The following DSCAM variants were observed in gnomAD, a reference collection of about 807,000 sequenced individuals.
The protein encoded by DSCAM is cell adhesion molecule DSCAM.
DSCAM carries 47 observed loss-of-function variants against 217.7 expected under a neutral mutation model. That is an observed-to-expected ratio of 0.22 (90% confidence interval 0.17 to 0.28). The LOEUF (loss-of-function observed/expected upper bound fraction) is 0.28. Ranked by LOEUF, DSCAM falls within the 10% of genes least tolerant of loss-of-function variation. The pLI is 1.00. For synonymous variants in DSCAM, 1,056 were observed against 1,015.3 expected, an observed-to-expected ratio of 1.04 and a Z score of -0.76; for missense variants, 2,080 against 2,618.3, an observed-to-expected ratio of 0.79 and a Z score of 4.49.
intron 3 of DSCAM, among the ~76,000 whole-genome samples, chr21:40,650,871 A>G (rs2090005282): frequency 6.6e-6 from 1 of 152,164 alleles, no homozygotes; most frequent in African/African-American, 2.4e-5. Flanking sequence ...CTGAGATCGC[A>G]CCACTGCACT....
intron 10 of DSCAM, among the ~76,000 whole-genome samples, chr21:40,284,635 C>T (rs571081900): frequency 1.3e-5 from 2 of 152,340 alleles, no homozygotes; most frequent in Admixed American, 1.3e-4. Flanking sequence ...GGGAGAACTA[C>T]AAATCACTGC....
chr21:40,428,826 G>A (rs917287994), intron 3 of DSCAM, among the ~76,000 whole-genome samples: 2 of 147,160 alleles, frequency 1.4e-5, no homozygotes, highest in East Asian at 2.0e-4. Context: ...ATCATACAGC[G>A]ACCTAATACA....
intron 8 of DSCAM, among the ~76,000 whole-genome samples, chr21:40,337,718 T>C (rs2074442670): frequency 6.6e-6 from 1 of 152,154 alleles, no homozygotes; most frequent in South Asian, 2.1e-4. Context: ...ATACAGAAAA[T>C]CCCTTCCAGT....
At chr21:40,772,621 C>A (rs2091454876) in intron 1 of DSCAM, among the ~76,000 whole-genome samples, 1 of 152,224 alleles carries the variant, frequency 6.6e-6, no homozygotes, top group Non-Finnish European at 1.5e-5. Context: ...CCATGTCCAA[C>A]TGCCTGTCTT....
chr21:40,566,562 G>A (rs2076766444), intron 3 of DSCAM, among the ~76,000 whole-genome samples: 1 of 152,128 alleles, frequency 6.6e-6, no homozygotes, highest in Non-Finnish European at 1.5e-5. Flanking sequence ...TCATGCACTG[G>A]ATTTAGCAAA....
chr21:40,656,590 T>A (rs1281968827), intron 3 of DSCAM, among the ~76,000 whole-genome samples: 1 of 152,124 alleles, frequency 6.6e-6, no homozygotes, highest in Non-Finnish European at 1.5e-5. Context: ...GCAAGATGGA[T>A]CATTTTTGTG....
In DSCAM at chr21:40,347,902, G is replaced by T. The variant is rs768379621; in HGVS notation, c.978C>A (p.Ser326Arg). 1 of 1,613,960 alleles carries T rather than the reference G, an allele frequency of 6.2e-7. No homozygotes were observed. The highest frequency in any genetic ancestry group is 8.5e-7 in the Non-Finnish European group (1 of 1,179,932). Residue 326 changes from serine to arginine, a missense_variant, in exon 6 of 33, where the codon AGC becomes AGA. Ser to Arg is a moderately radical substitution (Grantham distance 110). This residue lies in a region of DSCAM where 568 missense variants were observed against 678.1 expected (regional missense o/e 0.84). Transcript: ENST00000400454. ...ATISPRKVKS[S>R]VGSQVSLSCS... ...AGGACAAGGAAACTTGGCTACCCACGCTGCTTTTAACCTTCCTGGGACTGA... is the reference window on the plus strand; with the variant it reads ...AGGACAAGGAAACTTGGCTACCCACTCTGCTTTTAACCTTCCTGGGACTGA...
chr21:40,366,953 C>T (rs926129405), intron 4 of DSCAM, among the ~76,000 whole-genome samples: 17 of 152,132 alleles, frequency 1.1e-4, no homozygotes, highest in African/African-American at 3.6e-4. Flanking sequence ...CCCTGGTTCC[C>T]GAGCCTTCTC....
At chr21:40,642,820 G>C (rs1408543636) in intron 3 of DSCAM, among the ~76,000 whole-genome samples, 1 of 152,124 alleles carries the variant, frequency 6.6e-6, no homozygotes, top group African/African-American at 2.4e-5. Context: ...GAACTCCTGA[G>C]TTCAAGCAAT....
chr21:40,014,314 C>T (rs766985650), intron 32 of DSCAM, among the ~76,000 whole-genome samples: 6 of 152,168 alleles, frequency 3.9e-5, no homozygotes, highest in East Asian at 1.9e-4. Flanking sequence ...CGCTTGAACC[C>T]GGGAGGAGGA....
intron 3 of DSCAM, among the ~76,000 whole-genome samples, chr21:40,550,006 G>A (rs1027089323): frequency 2.0e-5 from 3 of 152,136 alleles, no homozygotes; most frequent in African/African-American, 7.2e-5. Flanking sequence ...CAAGCCCTAC[G>A]CTTGGTATTT....
chr21:40,553,241 G>A (rs1000713152), intron 3 of DSCAM, among the ~76,000 whole-genome samples: 27 of 152,234 alleles, frequency 1.8e-4, no homozygotes, highest in African/African-American at 6.3e-4. Context: ...TATTTAAGCA[G>A]TGCTTTTATG....
At chr21:40,020,536 A>G (rs1359235753) in intron 32 of DSCAM, among the ~76,000 whole-genome samples, 1 of 151,894 alleles carries the variant, frequency 6.6e-6, no homozygotes. Context: ...TGTGTGAGAG[A>G]GAGAGAGAGA....
At chr21:40,741,179 G>A (rs540844048) in intron 1 of DSCAM, among the ~76,000 whole-genome samples, 1 of 152,302 alleles carries the variant, frequency 6.6e-6, no homozygotes, top group East Asian at 1.9e-4. Flanking sequence ...ACTCTGACAT[G>A]CTGAAAAGAT....
intron 16 of DSCAM, among the ~76,000 whole-genome samples, chr21:40,147,945 T>C (rs1206479346): frequency 6.6e-6 from 1 of 152,206 alleles, no homozygotes; most frequent in Non-Finnish European, 1.5e-5. Flanking sequence ...AGTTTATTTA[T>C]TGAACTCAAG....
chr21:40,139,589 G>C (rs1029390105), intron 18 of DSCAM, among the ~76,000 whole-genome samples: 1 of 152,006 alleles, frequency 6.6e-6, no homozygotes, highest in African/African-American at 2.4e-5. Flanking sequence ...GCAGTTTCCA[G>C]CTTGACTTTT....
intron 6 of DSCAM, among the ~76,000 whole-genome samples, chr21:40,346,772 T>C (rs11910473): frequency 0.07 from 10,586 of 152,242 alleles, 781 homozygotes; most frequent in African/African-American, 0.19. Context: ...AACATTTGGA[T>C]GGAACTAGGG....
At chr21:40,211,254 C>T (rs1027181019) in intron 11 of DSCAM, among the ~76,000 whole-genome samples, 1 of 152,178 alleles carries the variant, frequency 6.6e-6, no homozygotes, top group Non-Finnish European at 1.5e-5. Flanking sequence ...ATAGATTTTT[C>T]AACCATTCAC....
At chr21:40,054,244 G>T (rs563193122) in intron 29 of DSCAM, among the ~76,000 whole-genome samples, 15 of 152,120 alleles carry the variant, frequency 9.9e-5, no homozygotes, top group Non-Finnish European at 2.2e-4. Context: ...ATAAAATCTT[G>T]TGTACTTTAG....
Sources: allele counts gnomAD v4.1 joint callset (sites outside exome capture counted in the v4.1 genomes callset), GRCh38; gene constraint gnomAD v4.1.1; regional missense constraint gnomAD v4.1.1; transcripts MANE v1.5; gene names NCBI Gene and HGNC (gene_info 2026-07-23, HGNC 2026-07-21).